CST6: variants seen among roughly 807,000 people sequenced by gnomAD.
The protein encoded by CST6 is cystatin-M.
A neutral mutation model predicts 10.7 loss-of-function variants in CST6; 8 were observed. The ratio of observed to expected loss-of-function variants is 0.75; its 90% CI spans 0.44 to 1.34. CST6 has a LOEUF of 1.34. Ranked by LOEUF, CST6 falls within the 40% of genes most tolerant of loss-of-function variation. The probability of loss-of-function intolerance (pLI) is 0.01; values close to 1 mark genes in which losing one functional copy is unlikely to be tolerated. For synonymous variants in CST6, 100 were observed against 89.3 expected, an observed-to-expected ratio of 1.12 and a Z score of -0.68; for missense variants, 206 against 205.1, an observed-to-expected ratio of 1.00 and a Z score of -0.03.
rs1425672295 is a variant in CST6, at chr11:66,012,222, A to G, written c.178A>G (p.Asn60Asp). ...GGCGCAGGCGGCCGTGGCCAGCTACAACATGGGCAGCAACAGCATCTACTA... is the reference window on the plus strand; with the variant it reads ...GGCGCAGGCGGCCGTGGCCAGCTACGACATGGGCAGCAACAGCATCTACTA... ...KAAQAAVASYNMGSNSIYYFR... is the reference protein window; with the variant it reads ...KAAQAAVASYDMGSNSIYYFR... The change falls in exon 1 of 3, where the codon AAC becomes GAC. Residue 60 changes from asparagine to aspartate, a missense_variant. Transcript: ENST00000312134. 2.5e-6 allele frequency: 4 copies of G among 1,602,164 alleles called. No homozygotes were observed. Among genetic ancestry groups the G allele is most frequent in the Non-Finnish European group, 3.4e-6 (4 of 1,175,588 alleles).
chr11:66,012,356 G>A (rs1856176494), intron 1 of CST6, 72 bp downstream of exon 1: 4 of 1,476,478 alleles, frequency 2.7e-6, no homozygotes, highest in Non-Finnish European at 3.6e-6. Flanking sequence ...GCCCCAGCGT[G>A]CATGAAGGGG....
chr11:66,012,725 C>A (rs1454885236), intron 1 of CST6, 101 bp from the exon 2 acceptor site: 3 of 902,206 alleles, frequency 3.3e-6, no homozygotes, highest in African/African-American at 3.5e-5. Context: ...CTCCCTCTCT[C>A]CCCACCTGAG....
chr11:66,013,132 C>T (rs141533114), intron 2 of CST6, 181 bp downstream of exon 2: 94 of 1,003,548 alleles, frequency 9.4e-5, no homozygotes, highest in African/African-American at 1.6e-4. Context: ...GGGCTTCCCT[C>T]GGGAATGGGG....
chr11:66,013,391 G>T lies in CST6; in HGVS notation c.441G>T (p.Val147=), dbSNP rs202231090. The T allele has an allele frequency of 9.9e-6, 16 of 1,613,980 alleles. No individual in the cohort carries two copies. In the Admixed American group the frequency reaches 1.2e-4, roughly 12 times the overall value. The change falls in exon 3 of 3, where the codon GTG becomes GTT. Residue 147 remains valine, a synonymous_variant. Transcript: ENST00000312134. ...CTCAGCTCCTAAAGCACAACTGTGT[G>T]CAGATGTGATAAGTCCCCGAGGGCG... is the stretch of plus-strand genomic sequence containing the variant. ...NSSQLLKHNC[V]QM
chr11:66,013,124 G>T, intron 2 of CST6, 173 bp downstream of exon 2: 1 of 1,039,218 alleles, frequency 9.6e-7, no homozygotes. Flanking sequence ...GGAAGCTGGG[G>T]CTTCCCTCGG....
chr11:66,012,785 A>C, intron 1 of CST6, 41 bp from the exon 2 acceptor site: 1 of 1,545,962 alleles, frequency 6.5e-7, no homozygotes, highest in Non-Finnish European at 8.8e-7. Flanking sequence ...GTGAGGATCA[A>C]GGGTCAAGAC....
chr11:66,012,541 G>C (rs951259567), intron 1 of CST6, among the ~76,000 whole-genome samples: 1 of 152,036 alleles, frequency 6.6e-6, no homozygotes, highest in Non-Finnish European at 1.5e-5. Context: ...GGGGTGGATC[G>C]GGGAGGAGGG....
intron 1 of CST6, 32 bp downstream of exon 1, chr11:66,012,316 C>T: frequency 1.3e-6 from 2 of 1,557,664 alleles, no homozygotes; most frequent in Non-Finnish European, 1.7e-6. Flanking sequence ...GAGGGGACAC[C>T]CGGCCCAGAT....
In CST6 at chr11:66,013,433, G is replaced by C. The variant is rs1194580890; in HGVS notation, c.*33G>C. On this transcript the variant is annotated 3_prime_UTR_variant, in exon 3 of 3. Coordinates refer to ENST00000312134, the MANE Select transcript of CST6 (RefSeq NM_001323.4). The stretch of plus-strand genomic sequence containing the variant: ...CCGAGGGCGAAGGCCATTGGGTTTG[G>C]GGCCATGGTGGAGGGCACTTCAGGT... 6.3e-7 allele frequency: 1 copy of C among 1,577,718 alleles called. No individual in the cohort carries two copies. The highest frequency in any genetic ancestry group is 1.3e-5 in the African/African-American group (1 of 74,200).
intron 1 of CST6, 43 bp downstream of exon 1, chr11:66,012,327 G>A (rs762414384): frequency 6.5e-6 from 10 of 1,544,652 alleles, no homozygotes; most frequent in Middle Eastern, 1.9e-4. Flanking sequence ...CGGCCCAGAT[G>A]GGGGAGGCCA....
chr11:66,012,336 C>G, intron 1 of CST6, 52 bp downstream of exon 1: 3 of 1,531,164 alleles, frequency 2.0e-6, no homozygotes, highest in Non-Finnish European at 2.6e-6. Context: ...TGGGGGAGGC[C>G]ACAGGCGCTG....
In CST6 at chr11:66,012,296, G is replaced by A. The variant is rs770662873; in HGVS notation, c.240+12G>A. 6.3e-7 allele frequency: 1 copy of A among 1,582,888 alleles called. No individual in the cohort carries two copies. Among genetic ancestry groups the A allele is most frequent in the Non-Finnish European group, 8.6e-7 (1 of 1,160,976 alleles). On this transcript the variant is annotated intron_variant, in intron 1 of 2. Transcript: ENST00000312134. ...AGGCGCAGAGCCAGGTGCGGCGGGCGGGGTGCTGGGAGGGGACACCCGGCC... is the reference window on the plus strand; with the variant it reads ...AGGCGCAGAGCCAGGTGCGGCGGGCAGGGTGCTGGGAGGGGACACCCGGCC...
Position 66,012,173 on chromosome 11 carries a change from C to G in CST6, c.129C>G (p.Pro43=). 1 of 1,566,686 alleles carries G rather than the reference C, an allele frequency of 6.4e-7. No individual in the cohort carries two copies. Among genetic ancestry groups the G allele is most frequent in the Non-Finnish European group, 8.6e-7 (1 of 1,158,622 alleles). Reference sequence around the variant, plus strand: ...TCGGAGAACTCCGGGACCTGTCGCCCGACGACCCGCAGGTGCAGAAGGCGG... The same window carrying G: ...TCGGAGAACTCCGGGACCTGTCGCCGGACGACCCGCAGGTGCAGAAGGCGG... ...RMVGELRDLS[P]DDPQVQKAAQ... is the part of the protein sequence containing the mutation. The change falls in exon 1 of 3, where the codon CCC becomes CCG. Residue 43 remains proline, a synonymous_variant. Transcript: ENST00000312134.
At chr11:66,012,356 G>T in intron 1 of CST6, 72 bp downstream of exon 1, 2 of 1,476,480 alleles carry the variant, frequency 1.4e-6, no homozygotes, top group East Asian at 4.9e-5. Context: ...GCCCCAGCGT[G>T]CATGAAGGGG....
intron 2 of CST6, 54 bp from the exon 3 acceptor site, chr11:66,013,263 G>A: frequency 6.6e-7 from 1 of 1,508,828 alleles, no homozygotes; most frequent in Non-Finnish European, 9.2e-7. Context: ...CTGTTGGGAG[G>A]AGACAGGTCG....
rs1311958364 is a variant in CST6 at position 66,012,082 on chromosome 11, C to A, written c.38C>A (p.Ala13Asp). Residue 13 changes from alanine to aspartate, a missense_variant, in exon 1 of 3, where the codon GCC (alanine) becomes GAC (aspartate). Transcript: ENST00000312134. ...AACCTCCCGCTGGCGCTGGGCCTGGCCCTGGTCGCATTCTGCCTCCTGGCG... is the reference window on the plus strand; with the variant it reads ...AACCTCCCGCTGGCGCTGGGCCTGGACCTGGTCGCATTCTGCCTCCTGGCG... ...RSNLPLALGL[A>D]LVAFCLLALP... 6 of 1,569,192 alleles carry A rather than the reference C, an allele frequency of 3.8e-6. No homozygotes were observed. In the Admixed American group the frequency reaches 7.2e-5, roughly 19 times the overall value.
intron 1 of CST6, among the ~76,000 whole-genome samples, 162 bp from the exon 2 acceptor site, chr11:66,012,664 T>TCCCCCCCACCCCCC (rs1856180023): frequency 6.9e-5 from 1 of 14,486 alleles, no homozygotes; most frequent in Non-Finnish European, 1.8e-4. Context: ...CCACCAGAAC[T>TCCCCCCCACCCCCC]CCCCCCCCCA....
intron 1 of CST6, among the ~76,000 whole-genome samples, 191 bp downstream of exon 1, chr11:66,012,475 C>T (rs1037976946): frequency 2.6e-5 from 4 of 152,246 alleles, no homozygotes; most frequent in Non-Finnish European, 5.9e-5. Context: ...CATAATTAAA[C>T]CCTGTATTGC....
intron 1 of CST6, 152 bp from the exon 2 acceptor site, chr11:66,012,674 A>ACC (rs1420287294): frequency 4.0e-3 from 167 of 41,432 alleles, no homozygotes; most frequent in Admixed American, 6.6e-3. Context: ...TCCCCCCCCC[A>ACC]CCCCCCCCCA....
Sources: gnomAD v4.1 joint callset for allele counts (sites outside exome capture counted in the v4.1 genomes callset) on GRCh38, gnomAD v4.1.1 for gene constraint, MANE v1.5 for transcripts, NCBI Gene and HGNC (gene_info 2026-07-23, HGNC 2026-07-21) for gene names.